RAB18: variants seen among roughly 807,000 people sequenced by gnomAD.
RAB18 encodes the protein RAB18, member RAS oncogene family.
RAB18 carries 10 observed loss-of-function variants against 28.5 expected under a neutral mutation model. The ratio of observed to expected loss-of-function variants is 0.35; its 90% confidence interval spans 0.22 to 0.60. RAB18 has a LOEUF of 0.60. RAB18 is among the 20% of genes least tolerant of loss of function. The pLI, the probability that RAB18 is intolerant of heterozygous loss-of-function variation, is 0.78. For synonymous variants in RAB18, 93 were observed against 86.9 expected (o/e 1.07, Z -0.39); for missense variants, 188 against 244.2 (o/e 0.77, Z 1.53).
Position 27,538,174 on chromosome 10 carries a change from T to A in RAB18, c.*123T>A. 7.7e-7 allele frequency: 1 copy of A among 1,306,806 alleles called. No individual in the cohort carries two copies. The highest frequency in any genetic ancestry group is 1.1e-6 in the Non-Finnish European group (1 of 919,202). 81.0% of individuals were successfully genotyped at this position (1,306,806 alleles called of 1,614,324 possible). ...ACATAATTGTTTTATATCATAGCAG[T>A]AAATATTTGCAAGAAATCCCACTCA... On this transcript the variant is annotated 3_prime_UTR_variant, in exon 7 of 7. Coordinates refer to ENST00000356940, the MANE Select transcript of RAB18 (RefSeq NM_021252.5).
chr10:27,513,032 A>ATTTTT lies in RAB18; in HGVS notation c.124+3114_124+3118dup, dbSNP rs1554899531. 2.8e-5 allele frequency among the ~76,000 whole-genome samples: 4 copies of ATTTTT among 142,578 alleles called. No homozygotes were observed. The East Asian group carries it at 6.6e-4, about 24-fold the overall frequency. 93.5% of individuals were successfully genotyped at this position (142,578 alleles called of 152,430 possible). On this transcript the variant is annotated intron_variant, in intron 2 of 6. Coordinates refer to ENST00000356940, the MANE Select transcript of RAB18 (RefSeq NM_021252.5). ...GGTAATAACATATATATATATATAT[A>ATTTTT]TTTTTTTTTTTTTTTTGGAGACAAG... is the stretch of plus-strand genomic sequence containing the variant.
chr10:27,534,829 T>C (rs538910108), intron 6 of RAB18, among the ~76,000 whole-genome samples: 1 of 152,344 alleles, frequency 6.6e-6, no homozygotes, highest in Admixed American at 6.5e-5. Context: ...ACTTCATATA[T>C]AGATAAAAAC....
In RAB18 at chr10:27,538,070, T is replaced by G; in HGVS notation, c.*19T>G. ...GTTATAAACTCTGGGAAATTCCATCTCTTGCATATTTGATCAGATAGTGAC... is the reference window on the plus strand; with the variant it reads ...GTTATAAACTCTGGGAAATTCCATCGCTTGCATATTTGATCAGATAGTGAC... On this transcript the variant is annotated 3_prime_UTR_variant, in exon 7 of 7. Coordinates refer to ENST00000356940, the MANE Select transcript of RAB18 (RefSeq NM_021252.5). 6.2e-7 allele frequency: 1 copy of G among 1,613,980 alleles called. No individual in the cohort carries two copies. The highest frequency in any genetic ancestry group is 8.5e-7 in the Non-Finnish European group (1 of 1,179,830).
At chr10:27,526,179 CTCCTCT>C (rs1834667516) in intron 2 of RAB18, among the ~76,000 whole-genome samples, 1 of 152,122 alleles carries the variant, frequency 6.6e-6, no homozygotes, top group Non-Finnish European at 1.5e-5. Context: ...ACTTTGGGCA[CTCCTCT>C]TTCACTTATG....
chr10:27,506,997 C>T (rs1837859054), intron 1 of RAB18, among the ~76,000 whole-genome samples: 1 of 152,120 alleles, frequency 6.6e-6, no homozygotes, highest in African/African-American at 2.4e-5. Flanking sequence ...CATTATTGGC[C>T]TGTGTGATAT....
At chr10:27,505,137 A>T (rs368453943) in intron 1 of RAB18, 1 of 532,844 alleles carries the variant, frequency 1.9e-6, no homozygotes. Context: ...TTGTGCTTTC[A>T]TTTTTTACTT....
intron 1 of RAB18, among the ~76,000 whole-genome samples, chr10:27,508,407 TATG>T (rs566406794): frequency 1.3e-3 from 185 of 146,618 alleles, no homozygotes; most frequent in African/African-American, 4.3e-3. Context: ...GTATTATTAT[TATG>T]ATATTATTAC....
chr10:27,511,497 C>T (rs1045048688), intron 2 of RAB18, among the ~76,000 whole-genome samples: 3 of 152,136 alleles, frequency 2.0e-5, no homozygotes, highest in South Asian at 2.1e-4. Flanking sequence ...TGAGCCACCG[C>T]GTCGAGCCTC....
chr10:27,541,002 TC>T lies in RAB18; in HGVS notation c.*2952del, dbSNP rs1322213760. 1 of 453,234 alleles carries T rather than the reference TC, an allele frequency of 2.2e-6. No homozygotes were observed. The highest frequency in any genetic ancestry group is 2.0e-5 in the African/African-American group (1 of 50,020). The allele number at this position is 453,234 out of a possible 1,614,324, so 28.1% of individuals were successfully genotyped here. A position where few individuals can be genotyped will look rare whatever the true frequency, so the allele number is the denominator to read the frequency against. ...TAAGTACAACTTAATACATATTTTT[TC>T]TGTGTATTTTTTTCAAATGAACTCA... is the stretch of plus-strand genomic sequence containing the variant. On this transcript the variant is annotated 3_prime_UTR_variant, in exon 7 of 7. Transcript: ENST00000356940.
At chr10:27,521,976 A>G (rs892187294) in intron 2 of RAB18, among the ~76,000 whole-genome samples, 1 of 152,004 alleles carries the variant, frequency 6.6e-6, no homozygotes, top group Non-Finnish European at 1.5e-5. Flanking sequence ...CCCAGACCTC[A>G]TCCTTATGTG....
intron 6 of RAB18, among the ~76,000 whole-genome samples, chr10:27,536,179 G>A (rs529928809): frequency 6.6e-6 from 1 of 152,252 alleles, no homozygotes; most frequent in South Asian, 2.1e-4. Flanking sequence ...GAAAGATTGA[G>A]ATAAGAGCAG....
In RAB18 at chr10:27,540,145, CTA is replaced by C. The variant is rs1243013019; in HGVS notation, c.*2096_*2097del. The C allele has an allele frequency of 1.1e-5, 5 of 453,900 alleles. No homozygotes were observed. The highest frequency in any genetic ancestry group is 1.0e-4 in the African/African-American group (5 of 50,000). 28.1% of individuals were successfully genotyped at this position (453,900 alleles called of 1,614,324 possible). A position where few individuals can be genotyped will look rare whatever the true frequency, so the allele number is the denominator to read the frequency against. Reference sequence around the variant, plus strand: ...GAGATTGACCCAAACAAATAAAAAACTATTCAATTTCTGAGTAATAGTTAATA... The same window carrying C: ...GAGATTGACCCAAACAAATAAAAAACTTCAATTTCTGAGTAATAGTTAATA... On this transcript the variant is annotated 3_prime_UTR_variant, in exon 7 of 7. Coordinates refer to ENST00000356940, the MANE Select transcript of RAB18 (RefSeq NM_021252.5).
At chr10:27,511,372 T>C (rs187356738) in intron 2 of RAB18, among the ~76,000 whole-genome samples, 20 of 152,076 alleles carry the variant, frequency 1.3e-4, no homozygotes, top group African/African-American at 4.8e-4. Flanking sequence ...CTGGCTAATT[T>C]TTTTTTGTAT....
At chr10:27,515,036 A>G (rs1305379947) in intron 2 of RAB18, among the ~76,000 whole-genome samples, 1 of 152,170 alleles carries the variant, frequency 6.6e-6, no homozygotes, top group Non-Finnish European at 1.5e-5. Context: ...AAGTGCTGGG[A>G]TTGCAGGTGT....
At position 27,539,953 on chromosome 10, in the gene RAB18, G is replaced by A. The variant is rs1834988097; in HGVS notation, c.*1902G>A. 1 of 453,292 alleles carries A rather than the reference G, an allele frequency of 2.2e-6. No homozygotes were observed. The highest frequency in any genetic ancestry group is 2.0e-5 in the African/African-American group (1 of 49,898). The allele number at this position is 453,292 out of a possible 1,614,324, so 28.1% of individuals were successfully genotyped here. On this transcript the variant is annotated 3_prime_UTR_variant, in exon 7 of 7. Transcript: ENST00000356940. ...TGTTTTGTTGCAAGCTTAGTGTTTT[G>A]TAGTGGAGGTTTTGTAAATGAAACA...
chr10:27,531,735 CAA>C (rs1319057891), intron 3 of RAB18: 21 of 534,526 alleles, frequency 3.9e-5, no homozygotes, highest in East Asian at 1.9e-4. Flanking sequence ...GGTAGAAAGA[CAA>C]GAGAGAGAAG....
At chr10:27,510,320 C>G (rs956926021) in intron 2 of RAB18, 2 of 268,806 alleles carry the variant, frequency 7.4e-6, no homozygotes, top group African/African-American at 2.2e-5. Context: ...TCTCTGTCAT[C>G]GTGGACCTAA....
At chr10:27,531,011 G>A (rs140265721) in intron 3 of RAB18, among the ~76,000 whole-genome samples, 303 of 152,126 alleles carry the variant, frequency 2.0e-3, no homozygotes, top group African/African-American at 7.1e-3. Context: ...GAAAAGGTGA[G>A]TAAATATGCA....
intron 3 of RAB18, among the ~76,000 whole-genome samples, chr10:27,527,281 CTTGT>C (rs1384626130): frequency 2.0e-5 from 3 of 151,986 alleles, no homozygotes; most frequent in South Asian, 2.1e-4. Flanking sequence ...TTTTATTTTT[CTTGT>C]TTGTTAGTAT....
Sources: gnomAD v4.1 joint callset for allele counts (sites outside exome capture counted in the v4.1 genomes callset) on GRCh38, gnomAD v4.1.1 for gene constraint, MANE v1.5 for transcripts, NCBI Gene and HGNC (gene_info 2026-07-23, HGNC 2026-07-21) for gene names.